The following TNR variants were observed in gnomAD, a reference collection of about 807,000 sequenced individuals.
TNR encodes the protein tenascin-R.
TNR carries 45 observed loss-of-function variants against 150.4 expected under a neutral mutation model. The observed-to-expected ratio is 0.30, with a 90% CI of 0.24 to 0.38. The LOEUF (loss-of-function observed/expected upper bound fraction) is 0.38, where lower values mean the gene tolerates loss of function less well. TNR is among the 10% of genes least tolerant of loss of function. The pLI is 1.00. For missense variants in TNR, 1,544 were observed against 1,759.1 expected, an observed-to-expected ratio of 0.88 and a Z score of 2.19; for synonymous variants, 687 against 678.4, an observed-to-expected ratio of 1.01 and a Z score of -0.20.
At chr1:175,482,586 G>A (rs1051276444) in intron 2 of TNR, among the ~76,000 whole-genome samples, 1 of 152,172 alleles carries the variant, frequency 6.6e-6, no homozygotes, top group Non-Finnish European at 1.5e-5. Context: ...GTAACATTCT[G>A]TATCCCAGGC....
chr1:175,677,061 C>T (rs989514933), intron 1 of TNR, among the ~76,000 whole-genome samples: 7 of 152,200 alleles, frequency 4.6e-5, no homozygotes, highest in Admixed American at 1.3e-4. Flanking sequence ...TATGCAATCC[C>T]AGGGGAATGC....
intron 1 of TNR, among the ~76,000 whole-genome samples, chr1:175,548,378 C>T (rs1210028373): frequency 6.6e-6 from 1 of 152,074 alleles, no homozygotes; most frequent in Non-Finnish European, 1.5e-5. Flanking sequence ...TATCTAGTAG[C>T]TGCACGAGGA....
At chr1:175,571,165 T>C (rs1326668297) in intron 1 of TNR, among the ~76,000 whole-genome samples, 1 of 152,214 alleles carries the variant, frequency 6.6e-6, no homozygotes, top group African/African-American at 2.4e-5. Context: ...TCCCATGACC[T>C]TGGCCCAGTT....
At chr1:175,730,204 C>T (rs74129324) in intron 1 of TNR, among the ~76,000 whole-genome samples, 3,355 of 152,270 alleles carry the variant, frequency 0.022, 107 homozygotes, top group African/African-American at 0.072. Flanking sequence ...TCTAGGACCC[C>T]GAGCCTTTGC....
At chr1:175,591,219 G>A (rs1379577153) in intron 1 of TNR, among the ~76,000 whole-genome samples, 1 of 152,204 alleles carries the variant, frequency 6.6e-6, no homozygotes, top group African/African-American at 2.4e-5. Context: ...GCTGGCTGAG[G>A]AGGAAGAGCC....
At chr1:175,637,215 C>T (rs1401916473) in intron 1 of TNR, among the ~76,000 whole-genome samples, 2 of 152,168 alleles carry the variant, frequency 1.3e-5, no homozygotes, top group Non-Finnish European at 2.9e-5. Flanking sequence ...ATCCTGAGTT[C>T]TAATGATCCC....
chr1:175,347,396 T>A (rs1244856159), intron 18 of TNR, among the ~76,000 whole-genome samples: 3 of 152,126 alleles, frequency 2.0e-5, no homozygotes, highest in Non-Finnish European at 2.9e-5. Flanking sequence ...TTAGAAAAAA[T>A]TAAATAGGCT....
intron 1 of TNR, among the ~76,000 whole-genome samples, chr1:175,629,619 G>C (rs369213262): frequency 1.3e-5 from 2 of 152,176 alleles, no homozygotes; most frequent in Admixed American, 1.3e-4. Context: ...GAGCTAGAAG[G>C]CTGCAAGGGG....
At position 175,498,088 on chromosome 1, in the gene TNR, C is replaced by T. The variant is rs748367975; in HGVS notation, c.-64+30181G>A. On this transcript the variant is annotated intron_variant, in intron 2 of 22. Coordinates refer to ENST00000367674, the MANE Select transcript of TNR (RefSeq NM_003285.3). ...ACAACAACAGCAACAACAACAACAA[C>T]AACAAAAACAAAACAAAAAACAAAC... Among the ~76,000 whole-genome samples, 8 of 152,086 alleles carry T rather than the reference C, an allele frequency of 5.3e-5. No homozygotes were observed. In the South Asian group the frequency reaches 1.5e-3, roughly 28 times the overall value.
intron 1 of TNR, among the ~76,000 whole-genome samples, chr1:175,561,994 C>T (rs1376875220): frequency 3.9e-5 from 6 of 152,048 alleles, no homozygotes; most frequent in East Asian, 1.9e-4. Flanking sequence ...AACTTCCAGC[C>T]GTGAAATATG....
chr1:175,485,753 T>C (rs1657984970), intron 2 of TNR, among the ~76,000 whole-genome samples: 1 of 152,192 alleles, frequency 6.6e-6, no homozygotes, highest in African/African-American at 2.4e-5. Flanking sequence ...ATAATGTTTA[T>C]TTATATAGAA....
intron 2 of TNR, among the ~76,000 whole-genome samples, chr1:175,407,048 T>C (rs1653996977): frequency 6.6e-6 from 1 of 152,188 alleles, no homozygotes. Context: ...GGTGGGCAAA[T>C]GGTTCTTGGA....
Position 175,319,970 on chromosome 1 carries a change from G to GCACAA in TNR, c.*3386_*3387insTTGTG, listed in dbSNP as rs1648955297. ...ACCCTGGTGAATGTGCATCTGATAT[G>GCACAA]TTGGAAATTATCTTTATATGTTGGG... On this transcript the variant is annotated 3_prime_UTR_variant, in exon 23 of 23. Transcript: ENST00000367674. 6.6e-6 allele frequency: 1 copy of GCACAA among 152,224 alleles called. No homozygotes were observed. Among genetic ancestry groups the GCACAA allele is most frequent in the African/African-American group, 2.4e-5 (1 of 41,434 alleles). The allele number at this position is 152,224 out of a possible 1,614,324, so 9.4% of individuals were successfully genotyped here.
At chr1:175,511,102 G>A (rs1659153206) in intron 2 of TNR, among the ~76,000 whole-genome samples, 1 of 152,166 alleles carries the variant, frequency 6.6e-6, no homozygotes, top group Non-Finnish European at 1.5e-5. Flanking sequence ...ACCAGAGTGT[G>A]GGCCTGTGGG....
intron 13 of TNR, 130 bp downstream of exon 13, chr1:175,363,578 A>C (rs546497094): frequency 7.9e-7 from 1 of 1,273,276 alleles, no homozygotes; most frequent in African/African-American, 1.5e-5. Context: ...GCCCACTCTC[A>C]TTCTGATGCA....
At chr1:175,474,368 G>C (rs1352198419) in intron 2 of TNR, among the ~76,000 whole-genome samples, 1 of 152,102 alleles carries the variant, frequency 6.6e-6, no homozygotes, top group Non-Finnish European at 1.5e-5. Context: ...AGGCACCAGG[G>C]GTGCATGTGC....
chr1:175,654,338 T>A (rs535852847), intron 1 of TNR, among the ~76,000 whole-genome samples: 1 of 152,268 alleles, frequency 6.6e-6, no homozygotes, highest in East Asian at 1.9e-4. Context: ...ATAGATAACA[T>A]AAAGAATGCA....
chr1:175,400,565 T>C (rs1247749496), intron 4 of TNR, among the ~76,000 whole-genome samples: 3 of 152,212 alleles, frequency 2.0e-5, no homozygotes, highest in Admixed American at 2.0e-4. Context: ...AGTAGTGACC[T>C]TGGCAACACT....
At chr1:175,572,835 T>C (rs771322105) in intron 1 of TNR, among the ~76,000 whole-genome samples, 3 of 151,818 alleles carry the variant, frequency 2.0e-5, no homozygotes, top group Admixed American at 1.3e-4. Flanking sequence ...ATAAAATAAA[T>C]TCATCCATAT....
Sources: gnomAD v4.1 joint callset for allele counts (sites outside exome capture counted in the v4.1 genomes callset) on GRCh38, gnomAD v4.1.1 for gene constraint, MANE v1.5 for transcripts, NCBI Gene and HGNC (gene_info 2026-07-23, HGNC 2026-07-21) for gene names.